Variants in MGAM observed in about 807,000 individuals in gnomAD.
MGAM encodes maltase-glucoamylase, also known as alpha-1,4-glucosidase.
MGAM carries 253 observed loss-of-function variants against 358.8 expected under a neutral mutation model. The observed-to-expected ratio is 0.71, with a 90% CI of 0.64 to 0.78. MGAM has a LOEUF of 0.78. Among genes scored for constraint, MGAM ranks in the 30% least tolerant of loss-of-function variants. MGAM has a pLI of 0.00. For missense variants in MGAM, 3,080 were observed against 3,432.6 expected (o/e 0.90, Z 2.57); for synonymous variants, 1,105 against 1,227.1 (o/e 0.90, Z 2.08).
At position 142,077,302 on chromosome 7, in the gene MGAM, A is replaced by AAT. The variant is rs1298949031; in HGVS notation, c.5493+477_5493+478dup. On this transcript the variant is annotated intron_variant, in intron 47 of 70. Coordinates refer to ENST00000475668, the MANE Select transcript of MGAM (RefSeq NM_001365693.1). ...TCAAGCAGTCTCATATTGATCCTTG[A>AAT]ATGAAGGCTGTGCTACTGTGTGTGA... Among the ~76,000 whole-genome samples the AAT allele has an allele frequency of 4.1e-5, 6 of 145,466 alleles. 1 individual carries two copies. Among genetic ancestry groups the AAT allele is most frequent in the African/African-American group, 1.5e-4 (6 of 41,016 alleles).
At chr7:142,027,990 T>C (rs1807129010) in intron 10 of MGAM, among the ~76,000 whole-genome samples, 1 of 152,204 alleles carries the variant, frequency 6.6e-6, no homozygotes, top group Non-Finnish European at 1.5e-5. Flanking sequence ...TTTTTGTCTC[T>C]ATTTTTCTTA....
At chr7:141,990,279 T>G (rs551132449) in intron 2 of MGAM, among the ~76,000 whole-genome samples, 3 of 152,316 alleles carry the variant, frequency 2.0e-5, no homozygotes, top group African/African-American at 7.2e-5. Context: ...TCACATGCAT[T>G]ATTTCATTCC....
At chr7:142,037,077 T>C in intron 18 of MGAM, 100 bp downstream of exon 18, 1 of 1,182,670 alleles carries the variant, frequency 8.5e-7, no homozygotes, top group East Asian at 2.4e-5. Flanking sequence ...TTCAGGCAGT[T>C]ATTCATATCT....
At chr7:142,040,251 A>C in intron 20 of MGAM, 80 bp downstream of exon 20, 1 of 1,142,686 alleles carries the variant, frequency 8.8e-7, no homozygotes, top group Non-Finnish European at 1.3e-6. Flanking sequence ...TGGAGAGAGA[A>C]ACATCCATCT....
chr7:142,040,950 T>C, intron 21 of MGAM, 104 bp downstream of exon 21: 1 of 1,390,916 alleles, frequency 7.2e-7, no homozygotes, highest in South Asian at 1.5e-5. Context: ...CCTCTTTGGT[T>C]TGGCCACGAC....
chr7:142,072,886 A>G (rs577709027), intron 44 of MGAM, among the ~76,000 whole-genome samples: 2 of 146,354 alleles, frequency 1.4e-5, no homozygotes, highest in Non-Finnish European at 3.1e-5. Context: ...CCACATGGAG[A>G]TTCTAGGTTT....
intron 2 of MGAM, among the ~76,000 whole-genome samples, chr7:141,989,866 C>G (rs12703414): frequency 1.6e-4 from 25 of 152,148 alleles, no homozygotes; most frequent in African/African-American, 5.5e-4. Flanking sequence ...TTTAGGGACA[C>G]CTAATCCACC....
At chr7:141,986,783 A>G (rs1803721218) in intron 2 of MGAM, among the ~76,000 whole-genome samples, 2 of 152,248 alleles carry the variant, frequency 1.3e-5, no homozygotes, top group Admixed American at 1.3e-4. Flanking sequence ...ATCTTGAACT[A>G]AAATGGTATT....
intron 10 of MGAM, chr7:142,030,115 C>T: frequency 2.4e-6 from 1 of 418,414 alleles, no homozygotes; most frequent in South Asian, 2.8e-5. Context: ...GCCAGAGTGC[C>T]AGGCAAGGAT....
intron 64 of MGAM, 52 bp downstream of exon 64, chr7:142,095,765 A>G: frequency 1.3e-6 from 2 of 1,598,648 alleles, no homozygotes; most frequent in Non-Finnish European, 1.7e-6. Flanking sequence ...ATTGCATTCT[A>G]TATGGTGACA....
At chr7:142,104,734 T>A (rs1046523534) in intron 70 of MGAM, among the ~76,000 whole-genome samples, 12 of 152,190 alleles carry the variant, frequency 7.9e-5, no homozygotes, top group African/African-American at 2.4e-4. Context: ...AATTCTATGG[T>A]TGTCGATTAC....
chr7:142,081,878 T>C lies in MGAM; in HGVS notation c.6003-164T>C, dbSNP rs76059677. Reference sequence around the variant, plus strand: ...GAATGAAGAACTCCTGGGCTTTTAGTGGGGATATCTATGATATTTTAATCA... The same window carrying C: ...GAATGAAGAACTCCTGGGCTTTTAGCGGGGATATCTATGATATTTTAATCA... On this transcript the variant is annotated intron_variant, in intron 50 of 70. Transcript: ENST00000475668. Among the ~76,000 whole-genome samples the C allele has an allele frequency of 8.3e-3, 1,211 of 145,612 alleles. 140 individuals carry two copies. The South Asian group carries it at 0.097, about 12-fold the overall frequency.
At position 142,025,048 on chromosome 7, in the gene MGAM, A is replaced by T; in HGVS notation, c.883-2A>T. On this transcript the variant is annotated splice_acceptor_variant, in intron 7 of 70. Coordinates refer to ENST00000475668, the MANE Select transcript of MGAM (RefSeq NM_001365693.1). LOFTEE classifies it high-confidence loss of function. ...TTTTGGTTTTTAATTCTCTTTCTGCAGAACGGAACTAATTTGTATGGTGCG... is the reference window on the plus strand; with the variant it reads ...TTTTGGTTTTTAATTCTCTTTCTGCTGAACGGAACTAATTTGTATGGTGCG... 1.9e-6 allele frequency: 3 copies of T among 1,612,190 alleles called. No homozygotes were observed. The highest frequency in any genetic ancestry group is 2.5e-6 in the Non-Finnish European group (3 of 1,178,432).
At chr7:142,071,550 G>A (rs1242250506) in intron 44 of MGAM, among the ~76,000 whole-genome samples, 1 of 146,336 alleles carries the variant, frequency 6.8e-6, no homozygotes, top group Non-Finnish European at 1.5e-5. Flanking sequence ...TGCCAGGACT[G>A]ATGCATTTTA....
chr7:142,058,646 A>C (rs1186155044), intron 31 of MGAM, among the ~76,000 whole-genome samples: 1 of 152,220 alleles, frequency 6.6e-6, no homozygotes, highest in East Asian at 1.9e-4. Context: ...CCTTGGTTTC[A>C]TAAGAATAAA....
intron 3 of MGAM, among the ~76,000 whole-genome samples, chr7:142,009,885 T>C (rs1228352424): frequency 6.6e-6 from 1 of 152,176 alleles, no homozygotes; most frequent in African/African-American, 2.4e-5. Flanking sequence ...TGTGTTTGTA[T>C]GGTGTTCACA....
At position 142,022,360 on chromosome 7, in the gene MGAM, A is replaced by AGCATG; in HGVS notation, c.804_808dup (p.Val270GlyfsTer11). 6.2e-7 allele frequency: 1 copy of AGCATG among 1,613,586 alleles called. No individual in the cohort carries two copies. The highest frequency in any genetic ancestry group is 8.5e-7 in the Non-Finnish European group (1 of 1,179,672). ...AGCACTAACGTGTATGGCCTGGGAG[A>AGCATG]GCATGTGCACCAGCAGTATCGGCAT... On this transcript the variant is annotated frameshift_variant, in exon 7 of 71. Coordinates refer to ENST00000475668, the MANE Select transcript of MGAM (RefSeq NM_001365693.1). LOFTEE classifies it high-confidence loss of function.
chr7:142,090,781 G>A, intron 57 of MGAM, among the ~76,000 whole-genome samples: 1 of 146,438 alleles, frequency 6.8e-6, no homozygotes, highest in Non-Finnish European at 1.5e-5. Flanking sequence ...GGACCATAAT[G>A]TTCCGTAACA....
rs1814709371 is a variant in MGAM at position 142,085,920 on chromosome 7, A to T, written c.6595A>T (p.Asn2199Tyr). The change falls in exon 55 of 71, where the codon AAT (asparagine) becomes TAT (tyrosine). Residue 2199 changes from asparagine to tyrosine, a missense_variant. Transcript: ENST00000475668. Reference sequence around the variant, plus strand: ...GTTTGCCGGGTTTCCAGCTCTGATCAATCGCATGAAGGCTGATGGGATGCG... The same window carrying T: ...GTTTGCCGGGTTTCCAGCTCTGATCTATCGCATGAAGGCTGATGGGATGCG... The part of the protein sequence containing the change: ...PKFAGFPALI[N>Y]RMKADGMRVI... 5 of 1,566,220 alleles carry T rather than the reference A, an allele frequency of 3.2e-6. No individual in the cohort carries two copies. Among genetic ancestry groups the T allele is most frequent in the Non-Finnish European group, 4.4e-6 (5 of 1,141,362 alleles).
Sources: allele counts gnomAD v4.1 joint callset (sites outside exome capture counted in the v4.1 genomes callset), GRCh38; gene constraint gnomAD v4.1.1; transcripts MANE v1.5; gene names NCBI Gene and HGNC (gene_info 2026-07-23, HGNC 2026-07-21).